DAB1: variants seen among roughly 807,000 people sequenced by gnomAD.
DAB1 encodes the protein disabled homolog 1.
A neutral mutation model predicts 64.6 loss-of-function variants in DAB1; 15 were observed. The ratio of observed to expected loss-of-function variants is 0.23; its 90% CI spans 0.16 to 0.36. The LOEUF (loss-of-function observed/expected upper bound fraction) is 0.36. Ranked by LOEUF, DAB1 falls within the 10% of genes least tolerant of loss-of-function variation. The pLI, the probability that DAB1 is intolerant of heterozygous loss-of-function variation, is 1.00. For synonymous variants in DAB1, 235 were observed against 251.9 expected (o/e 0.93, Z 0.64); for missense variants, 596 against 706.7 (o/e 0.84, Z 1.78).
chr1:57,321,801 A>C (rs1404582925), intron 1 of DAB1, among the ~76,000 whole-genome samples: 2 of 152,230 alleles, frequency 1.3e-5, no homozygotes, highest in African/African-American at 2.4e-5. Context: ...AAAGGCACTC[A>C]GTATATGGTA....
In DAB1 at chr1:57,900,681, C is replaced by A. The variant is rs191172049; in HGVS notation, n.388-16519G>T. Among the ~76,000 whole-genome samples the A allele has an allele frequency of 7.9e-5, 12 of 152,294 alleles. No homozygotes were observed. The East Asian group carries it at 2.3e-3, about 29-fold the overall frequency. ...GGGTCAGCATTTATGTCTTTGACCCCACTATGTAGGGGAGCTTAGTAGTAT... is the reference window on the plus strand; with the variant it reads ...GGGTCAGCATTTATGTCTTTGACCCAACTATGTAGGGGAGCTTAGTAGTAT... On this transcript the variant is annotated intron_variant and non_coding_transcript_variant, in intron 5 of 20. Coordinates refer to the DAB1 transcript ENST00000485760.
At chr1:58,100,677 A>G (rs1196213454) in intron 5 of DAB1, among the ~76,000 whole-genome samples, 1 of 152,206 alleles carries the variant, frequency 6.6e-6, no homozygotes, top group Admixed American at 6.5e-5. Context: ...AGCACATATC[A>G]TACTACATGT....
intron 6 of DAB1, among the ~76,000 whole-genome samples, chr1:57,659,305 T>A (rs1273907631): frequency 6.6e-6 from 1 of 152,156 alleles, no homozygotes; most frequent in African/African-American, 2.4e-5. Context: ...AGAGATCAAA[T>A]ACATAAATAA....
rs118176424 is a variant in DAB1 at position 57,483,473 on chromosome 1, G to A, written n.625+166119C>T. 7.3e-3 allele frequency among the ~76,000 whole-genome samples: 1,116 copies of A among 152,174 alleles called. 40 individuals carry two copies. In the East Asian group the frequency reaches 0.13, roughly 17 times the overall value. ...TTTCACCTTCCAACATGATTGTGAG[G>A]CCTCCCCAGCTATGTGCAACTGTGA... On this transcript the variant is annotated intron_variant and non_coding_transcript_variant, in intron 7 of 20. Transcript: ENST00000485760.
intron 9 of DAB1, among the ~76,000 whole-genome samples, chr1:57,033,179 C>CACAA (rs1341074846): frequency 2.0e-5 from 3 of 151,384 alleles, no homozygotes; most frequent in African/African-American, 2.4e-5. Context: ...TTTACACACA[C>CACAA]ACACACACAC....
rs534314534 is a variant in DAB1, at chr1:58,488,666, G to C, written n.257+17394C>G. ...AGGGTTTCTCCATGTTGGTCAGGCT[G>C]GTCTTGAACTCCCGACCTCAGGTAT... On this transcript the variant is annotated intron_variant and non_coding_transcript_variant, in intron 3 of 20. Coordinates refer to the DAB1 transcript ENST00000485760. Among the ~76,000 whole-genome samples the C allele has an allele frequency of 5.9e-5, 9 of 152,252 alleles. No homozygotes were observed. The East Asian group carries it at 1.7e-3, about 29-fold the overall frequency.
At position 58,086,867 on chromosome 1, in the gene DAB1, T is replaced by C. The variant is rs137896442; in HGVS notation, n.387+63644A>G. ...TTCCTTTCAAAAGTACTTGCTCTTC[T>C]TCCCCTTCCTCCTGATGTTCCAACA... On this transcript the variant is annotated intron_variant and non_coding_transcript_variant, in intron 5 of 20. Transcript: ENST00000485760. Among the ~76,000 whole-genome samples, 558 of 152,166 alleles carry C rather than the reference T, an allele frequency of 3.7e-3. 5 individuals are homozygous for C. The highest frequency in any genetic ancestry group is 0.017 in the Middle Eastern group (5 of 294).
intron 14 of DAB1, among the ~76,000 whole-genome samples, chr1:57,008,713 T>A (rs1259211570): frequency 6.6e-6 from 1 of 152,172 alleles, no homozygotes; most frequent in Non-Finnish European, 1.5e-5. Flanking sequence ...TTAAGCTGAA[T>A]TTTAAGCTGA....
At chr1:58,481,254 C>T (rs1185659468) in intron 3 of DAB1, 1 of 493,334 alleles carries the variant, frequency 2.0e-6, no homozygotes, top group East Asian at 3.3e-5. Context: ...CCCTAATATG[C>T]TCCATGTAAA....
intron 6 of DAB1, among the ~76,000 whole-genome samples, chr1:57,744,808 G>C (rs1441403325): frequency 6.6e-6 from 1 of 152,156 alleles, no homozygotes; most frequent in Non-Finnish European, 1.5e-5. Context: ...CTATGGCCGA[G>C]GACATGGTTC....
intron 3 of DAB1, chr1:58,474,018 G>A: frequency 9.8e-7 from 1 of 1,019,242 alleles, no homozygotes. Flanking sequence ...TGATTTCCGA[G>A]TCAAACTTCT....
At chr1:58,048,887 G>T in intron 5 of DAB1, 1 of 922,830 alleles carries the variant, frequency 1.1e-6, no homozygotes. Flanking sequence ...AGTCAGTCAT[G>T]ATTTCAATCA....
At chr1:57,613,620 C>G (rs1325976257) in intron 7 of DAB1, among the ~76,000 whole-genome samples, 1 of 152,144 alleles carries the variant, frequency 6.6e-6, no homozygotes, top group African/African-American at 2.4e-5. Flanking sequence ...ATATTTTCCC[C>G]CTCAAAAATA....
chr1:57,920,712 G>A (rs1366407725), intron 5 of DAB1, among the ~76,000 whole-genome samples: 1 of 152,140 alleles, frequency 6.6e-6, no homozygotes, highest in Non-Finnish European at 1.5e-5. Flanking sequence ...CTGTTTTGGA[G>A]ACTAAATAAA....
intron 4 of DAB1, among the ~76,000 whole-genome samples, chr1:58,219,433 T>A (rs1464132574): frequency 6.6e-6 from 1 of 152,162 alleles, no homozygotes; most frequent in African/African-American, 2.4e-5. Flanking sequence ...TGCAAAGGCT[T>A]CTCTGGTCTG....
At chr1:58,064,880 GC>G (rs1397243415) in intron 5 of DAB1, among the ~76,000 whole-genome samples, 3 of 151,894 alleles carry the variant, frequency 2.0e-5, no homozygotes, top group Non-Finnish European at 2.9e-5. Context: ...CCGCCACCAC[GC>G]CCGGCTAATT....
At chr1:57,026,721 G>A (rs1646801367) in intron 9 of DAB1, among the ~76,000 whole-genome samples, 1 of 152,108 alleles carries the variant, frequency 6.6e-6, no homozygotes, top group Admixed American at 6.6e-5. Flanking sequence ...AAACAACCCA[G>A]TGTATACACC....
At chr1:58,458,390 A>C (rs1202232700) in intron 3 of DAB1, among the ~76,000 whole-genome samples, 1 of 152,220 alleles carries the variant, frequency 6.6e-6, no homozygotes, top group East Asian at 1.9e-4. Flanking sequence ...AGAGGTGGAA[A>C]CAGTGATCAG....
chr1:57,149,298 A>C (rs986561052), intron 2 of DAB1, among the ~76,000 whole-genome samples: 1 of 152,102 alleles, frequency 6.6e-6, no homozygotes, highest in Non-Finnish European at 1.5e-5. Context: ...TTTGTGTACA[A>C]GTTTTTGTGT....
Sources: gnomAD v4.1 joint callset for allele counts (sites outside exome capture counted in the v4.1 genomes callset) on GRCh38, gnomAD v4.1.1 for gene constraint, MANE v1.5 for transcripts, NCBI Gene and HGNC (gene_info 2026-07-23, HGNC 2026-07-21) for gene names.